Variants in ADAMTSL3 observed in about 807,000 individuals in gnomAD.
ADAMTSL3 encodes the protein ADAMTS-like protein 3.
Under a neutral mutation model 201.7 loss-of-function variants are expected in ADAMTSL3, and 128 were observed. That is an observed-to-expected ratio of 0.63 (90% confidence interval 0.55 to 0.73). The LOEUF (loss-of-function observed/expected upper bound fraction) is 0.73. ADAMTSL3 is among the 30% of genes least tolerant of loss of function. ADAMTSL3 has a pLI of 0.00. For missense variants in ADAMTSL3, 1,990 were observed against 2,119.6 expected (o/e 0.94, Z 1.20); for synonymous variants, 738 against 748.4 (o/e 0.99, Z 0.23).
intron 23 of ADAMTSL3, among the ~76,000 whole-genome samples, chr15:84,005,211 T>G (rs2067872706): frequency 1.3e-5 from 2 of 152,248 alleles, no homozygotes; most frequent in Non-Finnish European, 2.9e-5. Context: ...TTGCTGGTGA[T>G]AGCAGTGGAA....
intron 20 of ADAMTSL3, among the ~76,000 whole-genome samples, chr15:83,975,161 C>T (rs2142139676): frequency 6.6e-6 from 1 of 152,050 alleles, no homozygotes; most frequent in Non-Finnish European, 1.5e-5. Flanking sequence ...GCTACCATGC[C>T]CGGCTAATTT....
chr15:83,788,841 C>T (rs1467983105), intron 4 of ADAMTSL3, among the ~76,000 whole-genome samples: 1 of 152,048 alleles, frequency 6.6e-6, no homozygotes, highest in African/African-American at 2.4e-5. Flanking sequence ...CAGAGTCTTG[C>T]TCTTGTCACC....
At chr15:83,695,043 G>A (rs377053757) in intron 2 of ADAMTSL3, among the ~76,000 whole-genome samples, 4 of 149,310 alleles carry the variant, frequency 2.7e-5, no homozygotes, top group African/African-American at 9.9e-5. Flanking sequence ...TGGTGTATAT[G>A]TATTTGGAGT....
intron 9 of ADAMTSL3, among the ~76,000 whole-genome samples, chr15:83,881,257 T>C (rs2065264997): frequency 6.6e-6 from 1 of 152,208 alleles, no homozygotes; most frequent in Non-Finnish European, 1.5e-5. Context: ...CAGTTTACTT[T>C]ATTCCTATGA....
intron 7 of ADAMTSL3, among the ~76,000 whole-genome samples, chr15:83,849,693 C>T (rs1312465543): frequency 6.6e-6 from 1 of 152,128 alleles, no homozygotes; most frequent in East Asian, 1.9e-4. Context: ...GGCCATTTGT[C>T]TGCAATTTAT....
rs551292371 is a variant in ADAMTSL3 at position 83,822,560 on chromosome 15, C to A, written c.600+2513C>A. On this transcript the variant is annotated intron_variant, in intron 6 of 29. Transcript: ENST00000286744. ...GGCGCTCCTCACATCCCAGACGGGG[C>A]GGCGGGGCAGAGGCGCTCCCCACAT... Among the ~76,000 whole-genome samples, 37 of 141,244 alleles carry A rather than the reference C, an allele frequency of 2.6e-4. No individual in the cohort carries two copies. In the South Asian group the frequency reaches 8.3e-3, roughly 32 times the overall value. 92.7% of individuals were successfully genotyped at this position (141,244 alleles called of 152,430 possible).
At chr15:83,942,845 C>T (rs762393545) in intron 18 of ADAMTSL3, 57 bp downstream of exon 18, 8 of 1,605,860 alleles carry the variant, frequency 5.0e-6, no homozygotes, top group Non-Finnish European at 6.8e-6. Context: ...AGAGGCCCTG[C>T]ACTGCACTAA....
At chr15:83,881,905 G>A (rs2065279592) in intron 9 of ADAMTSL3, among the ~76,000 whole-genome samples, 1 of 149,478 alleles carries the variant, frequency 6.7e-6, no homozygotes. Context: ...TGTAATCCCA[G>A]CACTTTGGGA....
chr15:83,976,801 CT>C (rs1196656399), intron 20 of ADAMTSL3, among the ~76,000 whole-genome samples: 2 of 152,156 alleles, frequency 1.3e-5, no homozygotes, highest in Non-Finnish European at 2.9e-5. Context: ...CCTTACTCAC[CT>C]CCTGCTGTGA....
intron 2 of ADAMTSL3, among the ~76,000 whole-genome samples, chr15:83,662,930 G>A (rs751671186): frequency 3.9e-5 from 6 of 152,152 alleles, no homozygotes; most frequent in Non-Finnish European, 8.8e-5. Flanking sequence ...TGCCCTCTGG[G>A]TAGCAGATGT....
At chr15:83,828,155 A>G (rs1286959350) in intron 6 of ADAMTSL3, among the ~76,000 whole-genome samples, 1 of 152,224 alleles carries the variant, frequency 6.6e-6, no homozygotes, top group African/African-American at 2.4e-5. Context: ...CTTCCTATCC[A>G]TGAGCATGGA....
chr15:83,860,357 C>T (rs2064828922), intron 8 of ADAMTSL3, among the ~76,000 whole-genome samples: 1 of 152,212 alleles, frequency 6.6e-6, no homozygotes, highest in African/African-American at 2.4e-5. Flanking sequence ...TTGCTGCTAG[C>T]ACATCACAGC....
chr15:83,656,371 G>T (rs1019988577), intron 2 of ADAMTSL3, among the ~76,000 whole-genome samples: 6 of 152,166 alleles, frequency 3.9e-5, no homozygotes, highest in African/African-American at 1.4e-4. Flanking sequence ...AAGGAATGAG[G>T]CTAGCATTGC....
chr15:83,787,826 C>T (rs1391553374), intron 4 of ADAMTSL3, among the ~76,000 whole-genome samples: 1 of 152,018 alleles, frequency 6.6e-6, no homozygotes, highest in Non-Finnish European at 1.5e-5. Flanking sequence ...CTCCCCCTCC[C>T]CCTCCTCTTT....
chr15:83,736,822 T>A (rs7169595), intron 3 of ADAMTSL3, among the ~76,000 whole-genome samples: 72,594 of 151,984 alleles, frequency 0.48, 17,907 homozygotes, highest in South Asian at 0.71. Flanking sequence ...AACATATTCT[T>A]CCAGACCATA....
intron 8 of ADAMTSL3, among the ~76,000 whole-genome samples, chr15:83,859,673 A>C (rs982941277): frequency 2.0e-5 from 3 of 152,118 alleles, no homozygotes; most frequent in South Asian, 2.1e-4. Context: ...CCTTATTTCC[A>C]TTCATGGGGG....
chr15:83,991,693 G>A (rs1306846848), intron 23 of ADAMTSL3, among the ~76,000 whole-genome samples: 1 of 152,250 alleles, frequency 6.6e-6, no homozygotes, highest in African/African-American at 2.4e-5. Context: ...GATTGTCCCT[G>A]GGTAAGTGTC....
intron 4 of ADAMTSL3, among the ~76,000 whole-genome samples, chr15:83,786,613 T>G (rs1198365295): frequency 6.6e-6 from 1 of 152,178 alleles, no homozygotes; most frequent in Non-Finnish European, 1.5e-5. Context: ...ATGGCATTAT[T>G]TATTACCTAA....
rs541917126 is a variant in ADAMTSL3 at position 84,025,084 on chromosome 15, C to T, written c.4458-154C>T. Among the ~76,000 whole-genome samples the T allele has an allele frequency of 5.3e-5, 8 of 152,296 alleles. No homozygotes were observed. The East Asian group carries it at 1.5e-3, about 29-fold the overall frequency. On this transcript the variant is annotated intron_variant, in intron 26 of 29. Transcript: ENST00000286744. ...AGTTAAAGAAGGTCTGAGAAAAAGG[C>T]TGGGAGTCATCTGTGCTGCTTCCCA...
Sources: gnomAD v4.1 joint callset for allele counts (sites outside exome capture counted in the v4.1 genomes callset) on GRCh38, gnomAD v4.1.1 for gene constraint, MANE v1.5 for transcripts, NCBI Gene and HGNC (gene_info 2026-07-23, HGNC 2026-07-21) for gene names.